ARHGAP26: variants seen among roughly 807,000 people sequenced by gnomAD.
ARHGAP26 encodes rho GTPase-activating protein 26.
Under a neutral mutation model 104.8 loss-of-function variants are expected in ARHGAP26, and 38 were observed. That is an observed-to-expected ratio of 0.36 (90% CI 0.28 to 0.48). ARHGAP26 has a LOEUF of 0.48. Among genes scored for constraint, ARHGAP26 ranks in the 20% least tolerant of loss-of-function variants. The pLI is 0.99. For missense variants in ARHGAP26, 704 were observed against 947.9 expected (o/e 0.74, Z 3.38); for synonymous variants, 341 against 340.0 (o/e 1.00, Z -0.03).
At position 142,868,051 on chromosome 5, in the gene ARHGAP26, G is replaced by A. The variant is rs1248921446; in HGVS notation, c.155-5349G>A. The A allele has an allele frequency of 3.9e-5, 6 of 152,240 alleles. No individual in the cohort carries two copies. The East Asian group carries it at 7.7e-4, about 20-fold the overall frequency. The allele number at this position is 152,240 out of a possible 1,614,324, so 9.4% of individuals were successfully genotyped here. On this transcript the variant is annotated intron_variant, in intron 1 of 22. Coordinates refer to ENST00000645722, the MANE Select transcript of ARHGAP26 (RefSeq NM_001135608.3). ...GATATGATCCTCATCCTTATAGAAT[G>A]TACTAGTTGGGGAGGCATTACTTGA... is the stretch of plus-strand genomic sequence containing the variant.
chr5:142,995,917 A>C (rs1776311372), intron 11 of ARHGAP26, among the ~76,000 whole-genome samples: 1 of 152,172 alleles, frequency 6.6e-6, no homozygotes, highest in South Asian at 2.1e-4. Flanking sequence ...CAGGAACAGA[A>C]AACCAAACAC....
At chr5:143,009,447 G>A (rs1458827036) in intron 11 of ARHGAP26, among the ~76,000 whole-genome samples, 1 of 152,138 alleles carries the variant, frequency 6.6e-6, no homozygotes, top group Non-Finnish European at 1.5e-5. Context: ...TTGGCCATGT[G>A]ACCTAACTTC....
At chr5:142,903,492 A>C in intron 7 of ARHGAP26, 48 bp from the exon 8 acceptor site, 1 of 1,592,998 alleles carries the variant, frequency 6.3e-7, no homozygotes, top group Non-Finnish European at 8.6e-7. Flanking sequence ...GGATTGTTAA[A>C]ACAGATACTT....
At chr5:142,974,457 G>A (rs977194714) in intron 11 of ARHGAP26, among the ~76,000 whole-genome samples, 6 of 152,000 alleles carry the variant, frequency 3.9e-5, no homozygotes, top group African/African-American at 1.2e-4. Context: ...CTCTTTACAT[G>A]GGCTTTTCAT....
intron 11 of ARHGAP26, among the ~76,000 whole-genome samples, chr5:142,986,325 A>G (rs1265762173): frequency 6.6e-6 from 1 of 152,100 alleles, no homozygotes; most frequent in Non-Finnish European, 1.5e-5. Context: ...GTGTCTGTTC[A>G]TATTCTTTGC....
chr5:142,781,874 G>C (rs1757573179), intron 1 of ARHGAP26, among the ~76,000 whole-genome samples: 1 of 152,086 alleles, frequency 6.6e-6, no homozygotes, highest in Non-Finnish European at 1.5e-5. Context: ...ACCATGCCCG[G>C]CTAATTTTTT....
At chr5:143,027,737 A>T (rs1303922039) in intron 12 of ARHGAP26, among the ~76,000 whole-genome samples, 1 of 152,220 alleles carries the variant, frequency 6.6e-6, no homozygotes, top group African/African-American at 2.4e-5. Flanking sequence ...ACTGGCAAAT[A>T]GTTGTTGTCC....
intron 11 of ARHGAP26, among the ~76,000 whole-genome samples, chr5:142,955,221 G>A (rs561340461): frequency 2.6e-5 from 4 of 152,178 alleles, no homozygotes; most frequent in African/African-American, 4.8e-5. Context: ...GATTGCTTGA[G>A]TTCGAGAGGT....
intron 22 of ARHGAP26, among the ~76,000 whole-genome samples, chr5:143,219,819 T>C (rs1047643413): frequency 6.6e-6 from 1 of 152,226 alleles, no homozygotes; most frequent in Non-Finnish European, 1.5e-5. Flanking sequence ...GGCCCAGGAA[T>C]GTGCAGTTTG....
At chr5:142,971,729 CA>C (rs754570376) in intron 11 of ARHGAP26, among the ~76,000 whole-genome samples, 2 of 152,064 alleles carry the variant, frequency 1.3e-5, no homozygotes, top group Non-Finnish European at 2.9e-5. Context: ...TTCAGGAAAC[CA>C]AAAGCTTAAA....
At chr5:143,210,872 C>G (rs942337279) in intron 21 of ARHGAP26, among the ~76,000 whole-genome samples, 1 of 147,802 alleles carries the variant, frequency 6.8e-6, no homozygotes, top group African/African-American at 2.5e-5. Flanking sequence ...CCCTTAAAGG[C>G]CCAGCTGAGG....
chr5:142,885,283 C>T lies in ARHGAP26; in HGVS notation c.385-15C>T. 2 of 1,609,220 alleles carry T rather than the reference C, an allele frequency of 1.2e-6. No homozygotes were observed. The highest frequency in any genetic ancestry group is 1.7e-6 in the Non-Finnish European group (2 of 1,176,206). ...GTGTTACTCTTTTTCTTTTTCTCTTCTCTTTTTTTGCCAGGAAGCCAAAAA... is the reference window on the plus strand; with the variant it reads ...GTGTTACTCTTTTTCTTTTTCTCTTTTCTTTTTTTGCCAGGAAGCCAAAAA... On this transcript the variant is annotated splice_polypyrimidine_tract_variant and intron_variant, in intron 4 of 22. Transcript: ENST00000645722.
chr5:143,103,942 A>AT (rs1554230036), intron 17 of ARHGAP26, among the ~76,000 whole-genome samples: 4 of 151,718 alleles, frequency 2.6e-5, no homozygotes, highest in African/African-American at 9.7e-5. Flanking sequence ...GTATAATAAA[A>AT]ATATATATAT....
intron 1 of ARHGAP26, among the ~76,000 whole-genome samples, chr5:142,858,092 TGTGA>T (rs754329802): frequency 0.042 from 5,783 of 137,364 alleles, 135 homozygotes; most frequent in Admixed American, 0.083. Flanking sequence ...TGTGTGTGTG[TGTGA>T]GAGAGAGAGA....
chr5:143,102,863 G>A (rs10044668), intron 17 of ARHGAP26, among the ~76,000 whole-genome samples: 8,592 of 151,516 alleles, frequency 0.057, 831 homozygotes, highest in African/African-American at 0.19. Flanking sequence ...TGTCCTTACA[G>A]CATCCCAGTG....
At chr5:142,861,041 C>A (rs767552575) in intron 1 of ARHGAP26, among the ~76,000 whole-genome samples, 33 of 152,156 alleles carry the variant, frequency 2.2e-4, no homozygotes, top group Non-Finnish European at 3.7e-4. Context: ...TTATCTTTGG[C>A]CTCTCTCATT....
At chr5:143,155,643 A>G (rs1800388620) in intron 20 of ARHGAP26, among the ~76,000 whole-genome samples, 1 of 152,204 alleles carries the variant, frequency 6.6e-6, no homozygotes, top group African/African-American at 2.4e-5. Flanking sequence ...CAGAGGGGGT[A>G]TGGGAGGAGG....
chr5:142,833,900 C>T (rs1187320816), intron 1 of ARHGAP26, among the ~76,000 whole-genome samples: 1 of 152,056 alleles, frequency 6.6e-6, no homozygotes, highest in Non-Finnish European at 1.5e-5. Flanking sequence ...TTGACCTTGG[C>T]GTTGGTAAAT....
intron 1 of ARHGAP26, among the ~76,000 whole-genome samples, chr5:142,805,756 A>G (rs1762871161): frequency 6.6e-6 from 1 of 152,358 alleles, no homozygotes; most frequent in East Asian, 1.9e-4. Flanking sequence ...GGAGTTAGCC[A>G]GTGATCCTGC....
Sources: allele counts gnomAD v4.1 joint callset (sites outside exome capture counted in the v4.1 genomes callset), GRCh38; gene constraint gnomAD v4.1.1; transcripts MANE v1.5; gene names NCBI Gene and HGNC (gene_info 2026-07-23, HGNC 2026-07-21).